The following MACROD1 variants were observed in gnomAD, a reference collection of about 807,000 sequenced individuals.
MACROD1 encodes ADP-ribose glycohydrolase MACROD1.
MACROD1 carries 31 observed loss-of-function variants against 41.4 expected under a neutral mutation model. The ratio of observed to expected loss-of-function variants is 0.75; its 90% CI spans 0.56 to 1.01. The LOEUF is 1.01. Among genes scored for constraint, MACROD1 ranks in the 50% least tolerant of loss-of-function variants. MACROD1 has a pLI of 0.00. For synonymous variants in MACROD1, 252 were observed against 203.4 expected (o/e 1.24, Z -2.03); for missense variants, 473 against 460.0 (o/e 1.03, Z -0.26).
At chr11:64,157,685 G>A (rs546297127) in intron 1 of MACROD1, among the ~76,000 whole-genome samples, 4 of 152,128 alleles carry the variant, frequency 2.6e-5, no homozygotes, top group Admixed American at 6.5e-5. Context: ...AAAGTGCAGC[G>A]GGCGAATGGG....
chr11:64,101,560 G>A (rs1944671349), intron 3 of MACROD1, among the ~76,000 whole-genome samples: 1 of 152,124 alleles, frequency 6.6e-6, no homozygotes, highest in African/African-American at 2.4e-5. Context: ...AACAATTTCT[G>A]CGCCCCGGCC....
intron 3 of MACROD1, among the ~76,000 whole-genome samples, chr11:64,078,353 C>A (rs1944241698): frequency 6.6e-6 from 1 of 152,246 alleles, no homozygotes; most frequent in South Asian, 2.1e-4. Flanking sequence ...AGTCCCTGGC[C>A]CGTCTGCGTT....
At chr11:64,021,970 A>AG (rs1943162949) in intron 3 of MACROD1, among the ~76,000 whole-genome samples, 1 of 2,664 alleles carries the variant, frequency 3.8e-4, no homozygotes, top group Admixed American at 5.1e-3. Flanking sequence ...GGCGGCGGGC[A>AG]GTGGATCTGG....
intron 3 of MACROD1, among the ~76,000 whole-genome samples, chr11:64,063,112 C>T (rs1484117389): frequency 1.3e-5 from 2 of 152,122 alleles, no homozygotes; most frequent in African/African-American, 2.4e-5. Flanking sequence ...CAGAGAACAA[C>T]GCGGGCAGCA....
intron 3 of MACROD1, among the ~76,000 whole-genome samples, chr11:64,043,217 T>C (rs1163452506): frequency 6.6e-6 from 1 of 152,098 alleles, no homozygotes; most frequent in Non-Finnish European, 1.5e-5. Context: ...TGGGAACCAG[T>C]AGTTACTTTG....
chr11:64,000,381 A>G (rs748652683), intron 4 of MACROD1, 38 bp from the exon 5 acceptor site: 6 of 1,388,824 alleles, frequency 4.3e-6, no homozygotes, highest in African/African-American at 1.5e-5. Context: ...TGGCCTGGCA[A>G]GGCTGCGGCC....
chr11:64,055,587 C>T (rs879865353), intron 3 of MACROD1, among the ~76,000 whole-genome samples: 5 of 152,214 alleles, frequency 3.3e-5, no homozygotes, highest in Non-Finnish European at 5.9e-5. Context: ...CTCTGTCCCT[C>T]CACGAGGCAG....
chr11:63,999,019 G>A lies in MACROD1; in HGVS notation c.909C>T (p.Ile303=), dbSNP rs138908467. The A allele has an allele frequency of 2.8e-5, 45 of 1,606,908 alleles. No homozygotes were observed. Among genetic ancestry groups the A allele is most frequent in the Admixed American group, 5.1e-5 (3 of 59,354 alleles). Reference sequence around the variant, plus strand: ...CCTCGTCCTTCTCGAGGAACACGCAGATGATCAGCCGGTCCACCTGCGCCA... The same window carrying A: ...CCTCGTCCTTCTCGAGGAACACGCAAATGATCAGCCGGTCCACCTGCGCCA... ...QHKDKVDRLI[I]CVFLEKDEDI... The change falls in exon 9 of 11, where the codon ATC becomes ATT. Residue 303 remains isoleucine, a synonymous_variant. Coordinates refer to ENST00000255681, the MANE Select transcript of MACROD1 (RefSeq NM_014067.4).
intron 1 of MACROD1, among the ~76,000 whole-genome samples, chr11:64,152,932 TC>T (rs576242071): frequency 6.6e-6 from 1 of 151,288 alleles, no homozygotes; most frequent in Non-Finnish European, 1.5e-5. Flanking sequence ...GTCCCCAACA[TC>T]CCCCCCGGCA....
intron 1 of MACROD1, among the ~76,000 whole-genome samples, chr11:64,160,814 TAAAAAAAAAAAAA>T (rs34275911): frequency 9.0e-6 from 1 of 111,112 alleles, no homozygotes; most frequent in Admixed American, 9.4e-5. Context: ...AGACCATATC[TAAAAAAAAAAAAA>T]AAAAAAATGT....
At chr11:64,129,676 C>T (rs1415194423) in intron 3 of MACROD1, among the ~76,000 whole-genome samples, 1 of 152,168 alleles carries the variant, frequency 6.6e-6, no homozygotes, top group Non-Finnish European at 1.5e-5. Flanking sequence ...GGCAACCGTA[C>T]AGGGTGGGGC....
In MACROD1 at chr11:63,998,671, G is replaced by T; in HGVS notation, c.*47C>A. 1 of 1,336,510 alleles carries T rather than the reference G, an allele frequency of 7.5e-7. No individual in the cohort carries two copies. The highest frequency in any genetic ancestry group is 2.1e-5 in the South Asian group (1 of 46,932). The allele number at this position is 1,336,510 out of a possible 1,614,324, so 82.8% of individuals were successfully genotyped here. A position where few individuals can be genotyped will look rare whatever the true frequency, so the allele number is the denominator to read the frequency against. On this transcript the variant is annotated 3_prime_UTR_variant, in exon 11 of 11. Transcript: ENST00000255681. ...TGGCGACCTCTCAGAGCTGGGAGCG[G>T]GGTCCCGAAGGCGGGTCTGAGGGCA...
At chr11:64,016,191 C>T (rs372954143) in intron 3 of MACROD1, among the ~76,000 whole-genome samples, 4 of 152,238 alleles carry the variant, frequency 2.6e-5, no homozygotes, top group Non-Finnish European at 5.9e-5. Flanking sequence ...GCAGCTGACA[C>T]GGGGGCAAAG....
rs1358619169 is a variant in MACROD1 at position 64,082,073 on chromosome 11, A to C, written c.518-66792T>G. On this transcript the variant is annotated intron_variant, in intron 3 of 10. Coordinates refer to ENST00000255681, the MANE Select transcript of MACROD1 (RefSeq NM_014067.4). This position sits in a 1 kb window ranked among gnomAD's most constrained non-coding sequence, Gnocchi z 4.5. ...GAGCTGCAGCGTCCTGGGCTGGGGCAGAGGGGCCGTGGCGAGAACAGATGG... is the reference window on the plus strand; with the variant it reads ...GAGCTGCAGCGTCCTGGGCTGGGGCCGAGGGGCCGTGGCGAGAACAGATGG... 2 of 152,202 alleles carry C rather than the reference A, an allele frequency of 1.3e-5. No homozygotes were observed. The highest frequency in any genetic ancestry group is 4.8e-5 in the African/African-American group (2 of 41,416). 9.4% of individuals were successfully genotyped at this position (152,202 alleles called of 1,614,324 possible). A position where few individuals can be genotyped will look rare whatever the true frequency, so the allele number is the denominator to read the frequency against.
intron 3 of MACROD1, chr11:64,138,578 C>T (rs978701710): frequency 4.6e-5 from 45 of 984,740 alleles, no homozygotes; most frequent in African/African-American, 1.8e-5. Context: ...ATAAAACAGC[C>T]GCGGGCCCTG....
intron 3 of MACROD1, among the ~76,000 whole-genome samples, chr11:64,114,892 C>T (rs56241103): frequency 0.23 from 34,646 of 151,774 alleles, 6,884 homozygotes; most frequent in East Asian, 0.53. Context: ...CTGGGTCCTG[C>T]AAGAGTAGCT....
chr11:64,079,642 C>G (rs1944269797), intron 3 of MACROD1, among the ~76,000 whole-genome samples: 1 of 152,182 alleles, frequency 6.6e-6, no homozygotes, highest in Admixed American at 6.5e-5. Context: ...CTAGAGGCCC[C>G]TCACTCAAAG....
At chr11:64,121,755 G>T (rs1319720604) in intron 3 of MACROD1, among the ~76,000 whole-genome samples, 1 of 152,212 alleles carries the variant, frequency 6.6e-6, no homozygotes, top group African/African-American at 2.4e-5. Context: ...AACGTCCGCG[G>T]CTGGGCTGAC....
At chr11:64,085,443 C>G (rs1944376888) in intron 3 of MACROD1, among the ~76,000 whole-genome samples, 1 of 152,222 alleles carries the variant, frequency 6.6e-6, no homozygotes, top group African/African-American at 2.4e-5. Flanking sequence ...AGGCCAGGCC[C>G]AACCACGGGG....
Sources: allele counts gnomAD v4.1 joint callset (sites outside exome capture counted in the v4.1 genomes callset), GRCh38; gene constraint gnomAD v4.1.1; non-coding constraint Gnocchi (gnomAD v3.1); transcripts MANE v1.5; gene names NCBI Gene and HGNC (gene_info 2026-07-23, HGNC 2026-07-21).